NAV3: variants seen among roughly 807,000 people sequenced by gnomAD.
NAV3 encodes pore membrane and/or filament interacting like protein 1.
A neutral mutation model predicts 244.7 loss-of-function variants in NAV3; 87 were observed. That is an observed-to-expected ratio of 0.36 (90% CI 0.30 to 0.42). NAV3 has a LOEUF of 0.42. Among genes scored for constraint, NAV3 ranks in the 20% least tolerant of loss-of-function variants. The pLI is 1.00. For synonymous variants in NAV3, 1,126 were observed against 1,042.2 expected (o/e 1.08, Z -1.55); for missense variants, 2,663 against 2,893.3 (o/e 0.92, Z 1.83).
intron 2 of NAV3, among the ~76,000 whole-genome samples, chr12:77,648,794 C>T (rs1185943121): frequency 6.6e-6 from 1 of 152,040 alleles, no homozygotes; most frequent in African/African-American, 2.4e-5. Flanking sequence ...GAATTTTCTC[C>T]TTTTGCCAGA....
At chr12:77,947,455 C>A (rs1890466196) in intron 3 of NAV3, 1 of 148,044 alleles carries the variant, frequency 6.8e-6, no homozygotes, top group African/African-American at 2.5e-5. Context: ...GGTTCTTAAC[C>A]AAATAGGGAA....
At chr12:77,843,821 C>A (rs1450572875) in intron 1 of NAV3, among the ~76,000 whole-genome samples, 4 of 144,062 alleles carry the variant, frequency 2.8e-5, no homozygotes, top group Admixed American at 6.9e-5. Context: ...CCAATTTAGA[C>A]CCTGTCTTGT....
intron 5 of NAV3, among the ~76,000 whole-genome samples, chr12:77,979,538 A>T (rs891639742): frequency 2.6e-5 from 4 of 152,032 alleles, no homozygotes; most frequent in Non-Finnish European, 4.4e-5. Flanking sequence ...GGGGATTTGC[A>T]TGTTTCAGTA....
intron 24 of NAV3, among the ~76,000 whole-genome samples, chr12:78,172,481 A>G (rs1958044644): frequency 6.6e-6 from 1 of 151,630 alleles, no homozygotes; most frequent in Non-Finnish European, 1.5e-5. Context: ...AAAGGAATGT[A>G]TGTGATCATT....
chr12:77,961,101 C>T (rs111204041), intron 3 of NAV3, among the ~76,000 whole-genome samples: 19 of 142,158 alleles, frequency 1.3e-4, no homozygotes, highest in East Asian at 4.2e-4. Context: ...TACATGTATA[C>T]GCATATATGT....
At chr12:78,106,920 C>T (rs1442359171) in intron 12 of NAV3, among the ~76,000 whole-genome samples, 1 of 152,194 alleles carries the variant, frequency 6.6e-6, no homozygotes, top group African/African-American at 2.4e-5. Flanking sequence ...ACACCCTAAC[C>T]TACCAAGGAA....
intron 2 of NAV3, among the ~76,000 whole-genome samples, chr12:77,651,769 A>C (rs1008481054): frequency 6.6e-6 from 1 of 152,246 alleles, no homozygotes; most frequent in Non-Finnish European, 1.5e-5. Context: ...ATGTCATTAA[A>C]TTGGTAACTC....
At chr12:77,923,789 A>G (rs1046845441) in intron 1 of NAV3, among the ~76,000 whole-genome samples, 4 of 152,186 alleles carry the variant, frequency 2.6e-5, no homozygotes, top group Admixed American at 2.0e-4. Flanking sequence ...TGGGAAATCA[A>G]GCTCAGAGCT....
intron 7 of NAV3, among the ~76,000 whole-genome samples, chr12:78,001,671 C>T (rs989344103): frequency 6.6e-6 from 1 of 152,066 alleles, no homozygotes; most frequent in Admixed American, 6.6e-5. Flanking sequence ...AAATAGTGTG[C>T]TCGTTTTACA....
intron 16 of NAV3, among the ~76,000 whole-genome samples, chr12:78,124,956 C>T (rs1955842478): frequency 6.6e-6 from 1 of 152,016 alleles, no homozygotes. Context: ...TAATTAGTGC[C>T]TTCCAGTAAA....
chr12:77,580,692 G>A (rs867780688), intron 2 of NAV3, among the ~76,000 whole-genome samples: 5 of 152,228 alleles, frequency 3.3e-5, no homozygotes, highest in Middle Eastern at 3.4e-3. Flanking sequence ...TTTTCAAGAG[G>A]AGAAAAAGAA....
At chr12:78,091,464 A>C (rs1464545961) in intron 12 of NAV3, 1 of 152,204 alleles carries the variant, frequency 6.6e-6, no homozygotes, top group Non-Finnish European at 1.5e-5. Flanking sequence ...AATTCAAAAC[A>C]AATGTTAACT....
At chr12:78,120,053 T>TACATA in intron 15 of NAV3, 108 bp downstream of exon 15, 1 of 635,776 alleles carries the variant, frequency 1.6e-6, no homozygotes, top group Non-Finnish European at 2.4e-6. Context: ...ATGTATAAGG[T>TACATA]ATATATATAT....
intron 2 of NAV3, among the ~76,000 whole-genome samples, chr12:77,729,615 C>T (rs943514460): frequency 2.6e-5 from 4 of 151,894 alleles, no homozygotes; most frequent in East Asian, 3.9e-4. Flanking sequence ...AAATAAACAA[C>T]GTTTTACCTC....
intron 1 of NAV3, among the ~76,000 whole-genome samples, chr12:77,917,892 C>T (rs948403128): frequency 1.1e-4 from 16 of 151,998 alleles, no homozygotes; most frequent in Admixed American, 1.1e-3. Flanking sequence ...CATACAGTGA[C>T]TTTTTGCATT....
chr12:77,729,345 A>C lies in NAV3; in HGVS notation c.72+157079A>C, dbSNP rs1877021321. Among the ~76,000 whole-genome samples the C allele has an allele frequency of 2.0e-5, 3 of 152,008 alleles. No individual in the cohort carries two copies. In the South Asian group the frequency reaches 6.2e-4, roughly 31 times the overall value. ...TCCTAAAGTAGTTTTAATGGCAAGG[A>C]AGGCATAGAAGCCTGATTTCATACT... On this transcript the variant is annotated intron_variant, in intron 2 of 8. Transcript: ENST00000550042.
intron 2 of NAV3, among the ~76,000 whole-genome samples, chr12:77,698,576 T>C (rs1477148483): frequency 6.6e-6 from 1 of 152,010 alleles, no homozygotes; most frequent in African/African-American, 2.4e-5. Flanking sequence ...ATGCCTGAGA[T>C]TATTTGTAGA....
intron 12 of NAV3, among the ~76,000 whole-genome samples, chr12:78,090,321 A>G (rs1953860638): frequency 6.6e-6 from 1 of 151,136 alleles, no homozygotes; most frequent in African/African-American, 2.4e-5. Flanking sequence ...TGATTTTAGT[A>G]CTACAAATGA....
intron 2 of NAV3, among the ~76,000 whole-genome samples, chr12:77,649,447 CT>C (rs1374774938): frequency 3.3e-5 from 5 of 151,998 alleles, no homozygotes; most frequent in African/African-American, 1.2e-4. Context: ...CTTAATTTAT[CT>C]TGTTTAATTA....
Sources: gnomAD v4.1 joint callset for allele counts (sites outside exome capture counted in the v4.1 genomes callset) on GRCh38, gnomAD v4.1.1 for gene constraint, MANE v1.5 for transcripts, NCBI Gene and HGNC (gene_info 2026-07-23, HGNC 2026-07-21) for gene names.